Variants in CCN3 observed in about 807,000 individuals in gnomAD.
CCN3 encodes cellular communication network factor 3.
In CCN3, 20 loss-of-function variants were observed where a neutral mutation model predicts 33.4. The observed-to-expected ratio is 0.60, with a 90% CI of 0.42 to 0.87. CCN3 has a LOEUF of 0.87. Among genes scored for constraint, CCN3 ranks in the 40% least tolerant of loss-of-function variants. CCN3 has a pLI of 0.00. For missense variants in CCN3, 465 were observed against 455.3 expected (o/e 1.02, Z -0.19); for synonymous variants, 205 against 170.4 (o/e 1.20, Z -1.58).
In CCN3 at chr8:119,418,186, G is replaced by C; in HGVS notation, c.439G>C (p.Asp147His). Residue 147 changes from aspartate (D) to histidine (H), a missense_variant, in exon 3 of 5, where the codon GAT becomes CAT. Coordinates refer to ENST00000259526, the MANE Select transcript of CCN3 (RefSeq NM_002514.4). ...QIGCVPRCQLDVLLPEPNCPA... is the reference protein window; with the variant it reads ...QIGCVPRCQLHVLLPEPNCPA... Reference sequence around the variant, plus strand: ...TGGCTGTGTGCCCCGCTGTCAGCTGGATGTGCTACTGCCTGAGCCTAACTG... The same window carrying C: ...TGGCTGTGTGCCCCGCTGTCAGCTGCATGTGCTACTGCCTGAGCCTAACTG... The C allele has an allele frequency of 1.9e-6, 3 of 1,614,220 alleles. No homozygotes were observed. Among genetic ancestry groups the C allele is most frequent in the Non-Finnish European group, 2.5e-6 (3 of 1,180,046 alleles).
chr8:119,422,840 G>A lies in CCN3; in HGVS notation c.782G>A (p.Gly261Glu). The A allele has an allele frequency of 2.5e-6, 4 of 1,597,216 alleles. No homozygotes were observed. Among genetic ancestry groups the A allele is most frequent in the Non-Finnish European group, 3.4e-6 (4 of 1,170,212 alleles). ...QEPEQPTDKK[G>E]KKCLRTKKSL... ...CACTTCTTTTTTCTTTCTTAGAAAG[G>A]AAAAAAGTGTCTCCGCACCAAGAAG... The change falls in exon 5 of 5, where the codon GGA becomes GAA. Residue 261 changes from glycine (G) to glutamate (E), a missense_variant. By Grantham distance (98) the Gly-to-Glu change is moderately conservative. Coordinates refer to ENST00000259526, the MANE Select transcript of CCN3 (RefSeq NM_002514.4).
chr8:119,417,912 A>T lies in CCN3; in HGVS notation c.311-146A>T, dbSNP rs1025272506. The T allele has an allele frequency of 5.3e-6, 4 of 758,210 alleles. No homozygotes were observed. In the African/African-American group the frequency reaches 6.9e-5, roughly 13 times the overall value. The allele number at this position is 758,210 out of a possible 1,614,324, so 47.0% of individuals were successfully genotyped here. A position where few individuals can be genotyped will look rare whatever the true frequency, so the allele number is the denominator to read the frequency against. ...CCATGAGGACATCACTCTACAGTAGATACATGAGAAACCAGATCGCCTGAA... is the reference window on the plus strand; with the variant it reads ...CCATGAGGACATCACTCTACAGTAGTTACATGAGAAACCAGATCGCCTGAA... On this transcript the variant is annotated intron_variant, in intron 2 of 4. Coordinates refer to ENST00000259526, the MANE Select transcript of CCN3 (RefSeq NM_002514.4).
chr8:119,419,443 G>C (rs1428797540), intron 4 of CCN3, 98 bp downstream of exon 4: 2 of 1,246,682 alleles, frequency 1.6e-6, no homozygotes, highest in Admixed American at 1.9e-5. Context: ...GTGACGGAGA[G>C]AGCAGCTATA....
rs1261099550 is a variant in CCN3, at chr8:119,423,504, GAGTCAGTGA to G, written c.*377_*385del. On this transcript the variant is annotated 3_prime_UTR_variant, in exon 5 of 5. Coordinates refer to ENST00000259526, the MANE Select transcript of CCN3 (RefSeq NM_002514.4). ...AATTCCAAGAAAATATCACTGTAATGAGTCAGTGAAGTCTAGAATCATACTTAACATTTC... is the reference window on the plus strand; with the variant it reads ...AATTCCAAGAAAATATCACTGTAATGAGTCTAGAATCATACTTAACATTTC... 1 of 176,570 alleles carries G rather than the reference GAGTCAGTGA, an allele frequency of 5.7e-6. No homozygotes were observed. The highest frequency in any genetic ancestry group is 2.4e-5 in the African/African-American group (1 of 42,300). 10.9% of individuals were successfully genotyped at this position (176,570 alleles called of 1,614,324 possible). A position where few individuals can be genotyped will look rare whatever the true frequency, so the allele number is the denominator to read the frequency against.
chr8:119,418,238 C>G lies in CCN3; in HGVS notation c.491C>G (p.Pro164Arg), dbSNP rs1820079842. 6.2e-6 allele frequency: 10 copies of G among 1,614,192 alleles called. No individual in the cohort carries two copies. Among genetic ancestry groups the G allele is most frequent in the Non-Finnish European group, 8.5e-6 (10 of 1,180,044 alleles). Reference protein sequence around the residue: ...NCPAPRKVEVPGECCEKWICG... With the variant: ...NCPAPRKVEVRGECCEKWICG... The stretch of plus-strand genomic sequence containing the variant: ...CCAGCTCCAAGAAAAGTTGAGGTGC[C>G]TGGAGAGTGCTGTGAAAAGTGGATC... Residue 164 changes from proline to arginine, a missense_variant, in exon 3 of 5, where the codon CCT becomes CGT. By Grantham distance (103) the Pro-to-Arg change is moderately radical. Coordinates refer to ENST00000259526, the MANE Select transcript of CCN3 (RefSeq NM_002514.4).
intron 4 of CCN3, among the ~76,000 whole-genome samples, chr8:119,421,651 T>A (rs1200766141): frequency 1.3e-5 from 2 of 152,196 alleles, no homozygotes; most frequent in African/African-American, 4.8e-5. Flanking sequence ...TTGGGCCTCT[T>A]CATTTATCAT....
intron 2 of CCN3, among the ~76,000 whole-genome samples, chr8:119,417,376 T>C (rs563545353): frequency 6.6e-6 from 1 of 152,346 alleles, no homozygotes; most frequent in African/African-American, 2.4e-5. Context: ...CCAGCAGGTT[T>C]GTTTTCACAC....
At position 119,416,553 on chromosome 8, in the gene CCN3, G is replaced by T. The variant is rs761684458; in HGVS notation, c.21G>T (p.Thr7=). ...TGAGCATGCAGAGTGTGCAGAGCAC[G>T]AGCTTTTGTCTCCGAAAGCAGTGCC... MQSVQS[T]SFCLRKQCLC... Residue 7 remains threonine (T), a synonymous_variant, in exon 1 of 5, where the codon ACG becomes ACT. Transcript: ENST00000259526. 1 of 1,613,858 alleles carries T rather than the reference G, an allele frequency of 6.2e-7. No homozygotes were observed. Among genetic ancestry groups the T allele is most frequent in the East Asian group, 2.2e-5 (1 of 44,884 alleles).
chr8:119,419,229 G>A lies in CCN3; in HGVS notation c.661G>A (p.Gly221Ser), dbSNP rs1008836334. 6.8e-6 allele frequency: 11 copies of A among 1,614,108 alleles called. No homozygotes were observed. Among genetic ancestry groups the A allele is most frequent in the Non-Finnish European group, 9.3e-6 (11 of 1,180,056 alleles). ...GTGGACAGCATGCTCCAAGAGCTGT[G>A]GTATGGGGTTCTCCACCCGGGTCAC... Reference protein sequence around the residue: ...TEWTACSKSCGMGFSTRVTNR... With the variant: ...TEWTACSKSCSMGFSTRVTNR... Residue 221 changes from glycine to serine, a missense_variant, in exon 4 of 5, where the codon GGT becomes AGT. By Grantham distance (56) the Gly-to-Ser change is moderately conservative. Coordinates refer to ENST00000259526, the MANE Select transcript of CCN3 (RefSeq NM_002514.4).
chr8:119,418,263 C>G lies in CCN3; in HGVS notation c.516C>G (p.Ile172Met). 1 of 1,614,162 alleles carries G rather than the reference C, an allele frequency of 6.2e-7. No individual in the cohort carries two copies. Among genetic ancestry groups the G allele is most frequent in the Non-Finnish European group, 8.5e-7 (1 of 1,180,032 alleles). The change falls in exon 3 of 5, where the codon ATC becomes ATG. Residue 172 changes from isoleucine (I) to methionine (M), a missense_variant. Ile to Met is a conservative substitution (Grantham distance 10). Coordinates refer to ENST00000259526, the MANE Select transcript of CCN3 (RefSeq NM_002514.4). ...CTGGAGAGTGCTGTGAAAAGTGGAT[C>G]TGTGGCCCAGATGAGGAGGATTCAC... ...EVPGECCEKW[I>M]CGPDEEDSLG...
chr8:119,418,996 C>A, intron 3 of CCN3, 135 bp from the exon 4 acceptor site: 3 of 623,718 alleles, frequency 4.8e-6, no homozygotes, highest in Non-Finnish European at 8.4e-6. Flanking sequence ...AAATTCAGTT[C>A]TGTGTCCTGG....
chr8:119,418,933 A>G (rs1382115217), intron 3 of CCN3, among the ~76,000 whole-genome samples, 198 bp from the exon 4 acceptor site: 1 of 152,246 alleles, frequency 6.6e-6, no homozygotes, highest in East Asian at 1.9e-4. Context: ...ATTGTATACT[A>G]TTTCTGAGGG....
At chr8:119,421,946 GA>G (rs1820129159) in intron 4 of CCN3, among the ~76,000 whole-genome samples, 1 of 152,176 alleles carries the variant, frequency 6.6e-6, no homozygotes, top group Non-Finnish European at 1.5e-5. Flanking sequence ...AATAATGCCA[GA>G]TTTATAAACA....
At position 119,418,288 on chromosome 8, in the gene CCN3, C is replaced by T. The variant is rs201148996; in HGVS notation, c.541C>T (p.Leu181=). 9 of 1,614,114 alleles carry T rather than the reference C, an allele frequency of 5.6e-6. No individual in the cohort carries two copies. The Admixed American group carries it at 1.2e-4, about 21-fold the overall frequency. Residue 181 remains leucine (L), a synonymous_variant, in exon 3 of 5, where the codon CTG becomes TTG. Transcript: ENST00000259526. ...WICGPDEEDS[L]GGLTLAAYRP... The stretch of plus-strand genomic sequence containing the variant: ...CTGTGGCCCAGATGAGGAGGATTCA[C>T]TGGGAGGCCTTACCCTTGCAGGTGA...
At position 119,423,078 on chromosome 8, in the gene CCN3, C is replaced by T; in HGVS notation, c.1020C>T (p.Asn340=). ...TCTCHTNCPK[N]NEAFLQELEL... is the part of the protein sequence containing the mutation. Reference sequence around the variant, plus strand: ...CCTGTCACACCAACTGTCCTAAGAACAATGAGGCCTTCCTCCAGGAGCTGG... The same window carrying T: ...CCTGTCACACCAACTGTCCTAAGAATAATGAGGCCTTCCTCCAGGAGCTGG... Residue 340 remains asparagine, a synonymous_variant, in exon 5 of 5, where the codon AAC becomes AAT. Coordinates refer to ENST00000259526, the MANE Select transcript of CCN3 (RefSeq NM_002514.4). The T allele has an allele frequency of 1.2e-6, 2 of 1,614,184 alleles. No homozygotes were observed. The highest frequency in any genetic ancestry group is 2.2e-5 in the East Asian group (1 of 44,884).
chr8:119,422,742 T>C (rs1563617712), intron 4 of CCN3, 94 bp from the exon 5 acceptor site: 1 of 974,110 alleles, frequency 1.0e-6, no homozygotes, highest in South Asian at 1.6e-5. Flanking sequence ...CCAATAGATA[T>C]TGGGTGGGCA....
Position 119,423,171 on chromosome 8 carries a change from C to G in CCN3, c.*39C>G. 2.6e-6 allele frequency: 4 copies of G among 1,522,340 alleles called. No individual in the cohort carries two copies. Among genetic ancestry groups the G allele is most frequent in the Non-Finnish European group, 3.6e-6 (4 of 1,111,176 alleles). The allele number at this position is 1,522,340 out of a possible 1,614,324, so 94.3% of individuals were successfully genotyped here. ...AAGCACACCTACAGAGCACCTGTAG[C>G]TGCTGCGCCACCCACCATCAAAGGA... On this transcript the variant is annotated 3_prime_UTR_variant, in exon 5 of 5. Transcript: ENST00000259526.
rs1363030736 is a variant in CCN3 at position 119,416,878 on chromosome 8, G to C, written c.219G>C (p.Glu73Asp). 22 of 1,613,690 alleles carry C rather than the reference G, an allele frequency of 1.4e-5. No homozygotes were observed. The highest frequency in any genetic ancestry group is 1.8e-5 in the Non-Finnish European group (21 of 1,179,996). The change falls in exon 2 of 5, where the codon GAG (glutamate) becomes GAC (aspartate). Residue 73 changes from glutamate (E) to aspartate (D), a missense_variant. Coordinates refer to ENST00000259526, the MANE Select transcript of CCN3 (RefSeq NM_002514.4). ...CCLVCARQRG[E>D]SCSDLEPCDE... ...TGGTGTGTGCCCGCCAGCGTGGCGA[G>C]AGCTGCTCAGATCTGGAGCCATGCG...
Position 119,416,845 on chromosome 8 carries a change from A to G in CCN3, c.186A>G (p.Ser62=), listed in dbSNP as rs568297803. 6 of 1,612,942 alleles carry G rather than the reference A, an allele frequency of 3.7e-6. No individual in the cohort carries two copies. The East Asian group carries it at 1.1e-4, about 30-fold the overall frequency. ...TGCGCGCGGTGCTGGACGGCTGCTC[A>G]TGCTGTCTGGTGTGTGCCCGCCAGC... ...PGVRAVLDGC[S]CCLVCARQRG... The change falls in exon 2 of 5, where the codon TCA becomes TCG. Residue 62 remains serine, a synonymous_variant. Transcript: ENST00000259526.
Sources: allele counts gnomAD v4.1 joint callset (sites outside exome capture counted in the v4.1 genomes callset), GRCh38; gene constraint gnomAD v4.1.1; transcripts MANE v1.5; gene names NCBI Gene and HGNC (gene_info 2026-07-23, HGNC 2026-07-21).